MEMO1: variants seen among roughly 807,000 people sequenced by gnomAD.
MEMO1 encodes the protein mediator of cell motility 1.
A neutral mutation model predicts 45.2 loss-of-function variants in MEMO1; 6 were observed. The observed-to-expected ratio is 0.13, with a 90% CI of 0.07 to 0.26. The LOEUF (loss-of-function observed/expected upper bound fraction) is 0.26. MEMO1 is among the 10% of genes least tolerant of loss of function. The pLI, the probability that MEMO1 is intolerant of heterozygous loss-of-function variation, is 1.00. For synonymous variants in MEMO1, 78 were observed against 124.3 expected, an observed-to-expected ratio of 0.63 and a Z score of 2.48; for missense variants, 184 against 370.5, an observed-to-expected ratio of 0.50 and a Z score of 4.13.
chr2:32,009,350 A>C (rs1674506915), intron 2 of MEMO1, among the ~76,000 whole-genome samples: 2 of 152,208 alleles, frequency 1.3e-5, no homozygotes, highest in African/African-American at 4.8e-5. Context: ...AAACACTGAC[A>C]GAAGAGCTGG....
intron 2 of MEMO1, among the ~76,000 whole-genome samples, chr2:31,978,297 G>C (rs2148489829): frequency 6.6e-6 from 1 of 152,186 alleles, no homozygotes; most frequent in East Asian, 1.9e-4. Context: ...TATGGCAGGA[G>C]AATCACTTGA....
rs71446034 is a variant in MEMO1 at position 31,979,107 on chromosome 2, C to T, written c.61+31080G>A. On this transcript the variant is annotated intron_variant, in intron 2 of 9. Transcript: ENST00000404530. The stretch of plus-strand genomic sequence containing the variant: ...CAGAAGGTGAGGGGGAAGCAAGGAC[C>T]TTCTTCACATGGCATCAGGAGAGAG... Among the ~76,000 whole-genome samples the T allele has an allele frequency of 3.3e-5, 5 of 152,220 alleles. No individual in the cohort carries two copies. In the East Asian group the frequency reaches 9.6e-4, roughly 29 times the overall value.
chr2:32,005,335 A>G (rs979345650), intron 2 of MEMO1, among the ~76,000 whole-genome samples: 1 of 151,472 alleles, frequency 6.6e-6, no homozygotes, highest in Non-Finnish European at 1.5e-5. Context: ...AAAAAAAAAA[A>G]AGAAGCTCAA....
chr2:31,967,993 G>A (rs536813955), intron 2 of MEMO1, among the ~76,000 whole-genome samples: 11 of 152,136 alleles, frequency 7.2e-5, no homozygotes, highest in African/African-American at 2.4e-4. Context: ...ATCAAAACTC[G>A]CAATGATGGG....
In MEMO1 at chr2:31,884,258, TTAAC is replaced by T. The variant is rs1411430366; in HGVS notation, c.581-800_581-797del. On this transcript the variant is annotated intron_variant, in intron 7 of 9. Coordinates refer to ENST00000404530, the MANE Select transcript of MEMO1 (RefSeq NM_001301833.4). The stretch of plus-strand genomic sequence containing the variant: ...CATGAAAATCAAGTTAAAAATTTTC[TTAAC>T]TAATTATGGGGAGTATTACTCAACT... Among the ~76,000 whole-genome samples the T allele has an allele frequency of 7.9e-5, 12 of 152,302 alleles. No individual in the cohort carries two copies. The East Asian group carries it at 2.1e-3, about 27-fold the overall frequency.
intron 2 of MEMO1, among the ~76,000 whole-genome samples, chr2:32,008,525 A>G (rs138005276): frequency 2.0e-5 from 3 of 152,202 alleles, no homozygotes; most frequent in Admixed American, 2.0e-4. Flanking sequence ...CGGAGGTTGC[A>G]ATGAGTCAAG....
At position 32,002,242 on chromosome 2, in the gene MEMO1, T is replaced by C. The variant is rs577979055; in HGVS notation, c.61+7945A>G. 3.7e-4 allele frequency among the ~76,000 whole-genome samples: 53 copies of C among 143,892 alleles called. No homozygotes were observed. The South Asian group carries it at 8.0e-3, about 22-fold the overall frequency. 94.4% of individuals were successfully genotyped at this position (143,892 alleles called of 152,430 possible). A position where few individuals can be genotyped will look rare whatever the true frequency, so the allele number is the denominator to read the frequency against. ...ATACGTATATGTGTATATATACATA[T>C]ACATATATACGTGTATATATACATA... On this transcript the variant is annotated intron_variant, in intron 2 of 9. Coordinates refer to ENST00000404530, the MANE Select transcript of MEMO1 (RefSeq NM_001301833.4).
At chr2:31,969,732 C>T (rs1034788742) in intron 2 of MEMO1, among the ~76,000 whole-genome samples, 2 of 150,386 alleles carry the variant, frequency 1.3e-5, no homozygotes, top group Non-Finnish European at 3.0e-5. Context: ...ACCTCAGCCT[C>T]CCAAGCACCT....
intron 8 of MEMO1, among the ~76,000 whole-genome samples, chr2:31,879,190 A>C (rs1198921804): frequency 1.3e-5 from 2 of 152,168 alleles, no homozygotes; most frequent in Admixed American, 1.3e-4. Flanking sequence ...TTAGATTCTA[A>C]GCTGATTCCA....
At chr2:31,881,476 T>C (rs1397298497) in intron 8 of MEMO1, among the ~76,000 whole-genome samples, 10 of 113,980 alleles carry the variant, frequency 8.8e-5, no homozygotes, top group Non-Finnish European at 1.3e-4. Context: ...GCCTAGGTGA[T>C]AGAGTGAGAG....
intron 4 of MEMO1, among the ~76,000 whole-genome samples, chr2:31,928,360 T>C (rs1683423301): frequency 6.6e-6 from 1 of 152,136 alleles, no homozygotes; most frequent in South Asian, 2.1e-4. Context: ...CTAGCCAACA[T>C]GGTAAAACCT....
intron 3 of MEMO1, among the ~76,000 whole-genome samples, chr2:31,939,180 CTATACT>C (rs1414854215): frequency 2.0e-5 from 3 of 150,964 alleles, no homozygotes; most frequent in Non-Finnish European, 4.4e-5. Context: ...TAAAACTTGG[CTATACT>C]TATAAAGTCT....
At chr2:31,982,480 C>G (rs1670759769) in intron 2 of MEMO1, among the ~76,000 whole-genome samples, 1 of 150,882 alleles carries the variant, frequency 6.6e-6, no homozygotes, top group African/African-American at 2.4e-5. Context: ...ATCCCAGCTA[C>G]TCGGGAGGCT....
At chr2:31,959,612 AC>A (rs1371945058) in intron 2 of MEMO1, among the ~76,000 whole-genome samples, 1 of 152,184 alleles carries the variant, frequency 6.6e-6, no homozygotes, top group Non-Finnish European at 1.5e-5. Context: ...GTAGTTACAG[AC>A]AAGATGAGGT....
chr2:31,912,115 A>T (rs1680660124), intron 6 of MEMO1, among the ~76,000 whole-genome samples: 1 of 152,096 alleles, frequency 6.6e-6, no homozygotes, highest in Non-Finnish European at 1.5e-5. Context: ...CGGGTGGATC[A>T]CTTGAGGTCA....
At chr2:31,923,777 A>C in intron 4 of MEMO1, 2 of 1,511,204 alleles carry the variant, frequency 1.3e-6, no homozygotes, top group Non-Finnish European at 1.8e-6. Flanking sequence ...TTAAAATAAC[A>C]ATCTAAATTC....
intron 2 of MEMO1, among the ~76,000 whole-genome samples, chr2:32,007,825 G>A (rs1674295020): frequency 1.3e-5 from 2 of 152,118 alleles, no homozygotes; most frequent in South Asian, 4.1e-4. Context: ...AAACCCAGTC[G>A]AAGTTTACTT....
intron 2 of MEMO1, among the ~76,000 whole-genome samples, chr2:31,973,858 G>T (rs1669696682): frequency 6.6e-6 from 1 of 152,142 alleles, no homozygotes; most frequent in South Asian, 2.1e-4. Flanking sequence ...TTCTTTTGGA[G>T]TTAGAAAAAT....
chr2:31,938,190 T>C (rs1341646124), intron 3 of MEMO1, among the ~76,000 whole-genome samples: 1 of 152,194 alleles, frequency 6.6e-6, no homozygotes, highest in Non-Finnish European at 1.5e-5. Flanking sequence ...TCTTTAATGG[T>C]ATTTATTCTA....
Sources: gnomAD v4.1 joint callset for allele counts (sites outside exome capture counted in the v4.1 genomes callset) on GRCh38, gnomAD v4.1.1 for gene constraint, MANE v1.5 for transcripts, NCBI Gene and HGNC (gene_info 2026-07-23, HGNC 2026-07-21) for gene names.